CEACAM7: variants seen among roughly 807,000 people sequenced by gnomAD.
CEACAM7 encodes the protein cell adhesion molecule CEACAM7.
Under a neutral mutation model 25.7 loss-of-function variants are expected in CEACAM7, and 24 were observed. The observed-to-expected ratio is 0.93, with a 90% CI of 0.68 to 1.31. The LOEUF is 1.31. Ranked by LOEUF, CEACAM7 falls within the 40% of genes most tolerant of loss-of-function variation. The pLI, the probability that CEACAM7 is intolerant of heterozygous loss-of-function variation, is 0.00. For synonymous variants in CEACAM7, 144 were observed against 129.4 expected (o/e 1.11, Z -0.77); for missense variants, 324 against 330.1 (o/e 0.98, Z 0.14).
chr19:41,686,636 A>T (rs1266314827), intron 2 of CEACAM7, among the ~76,000 whole-genome samples: 1 of 152,110 alleles, frequency 6.6e-6, no homozygotes, highest in Non-Finnish European at 1.5e-5. Context: ...CCCCCATCAG[A>T]CTGTCCTTCC....
In CEACAM7 at chr19:41,686,830, C is replaced by T. The variant is rs201640756; in HGVS notation, c.427+29G>A. 1.2e-4 allele frequency: 182 copies of T among 1,515,234 alleles called. No individual in the cohort carries two copies. The Middle Eastern group carries it at 1.2e-3, about 10-fold the overall frequency. The allele number at this position is 1,515,234 out of a possible 1,614,324, so 93.9% of individuals were successfully genotyped here. A position where few individuals can be genotyped will look rare whatever the true frequency, so the allele number is the denominator to read the frequency against. ...TGTATGAAGTAGAACTGGCCCCCAG[C>T]ACCCAGAAGTCATGGAGGTATCACT... On this transcript the variant is annotated intron_variant, in intron 2 of 4. Coordinates refer to ENST00000401731, the MANE Select transcript of CEACAM7 (RefSeq NM_001291485.2).
At chr19:41,680,458 C>T (rs1029733376) in intron 3 of CEACAM7, among the ~76,000 whole-genome samples, 1 of 151,940 alleles carries the variant, frequency 6.6e-6, no homozygotes, top group African/African-American at 2.4e-5. Context: ...AATAGCCAAA[C>T]AATATGAAAG....
In CEACAM7 at chr19:41,687,217, C is replaced by T. The variant is rs781796375; in HGVS notation, c.69G>A (p.Ser23=). ...IPWQGLLLTA[S]LLTFWNLPNS... The stretch of plus-strand genomic sequence containing the variant: ...TTGGCAGGTTCCAGAAGGTTAAAAG[C>T]GAGGCTAGGAGGGGGAGAGAACATC... Residue 23 remains serine (S), a synonymous_variant, in exon 2 of 5, where the codon TCG becomes TCA. Transcript: ENST00000401731. The T allele has an allele frequency of 1.9e-5, 30 of 1,595,802 alleles. No individual in the cohort carries two copies. Among genetic ancestry groups the T allele is most frequent in the Non-Finnish European group, 2.4e-5 (28 of 1,170,030 alleles).
Position 41,688,041 on chromosome 19 carries a change from G to A in CEACAM7, c.64+61C>T, listed in dbSNP as rs186015064. On this transcript the variant is annotated intron_variant, in intron 1 of 4. Coordinates refer to ENST00000401731, the MANE Select transcript of CEACAM7 (RefSeq NM_001291485.2). The stretch of plus-strand genomic sequence containing the variant: ...CCTCTCAGAGCCCCGTCCTCCCAAG[G>A]AGACCCCAGCCAGTCTCTCTGGCCC... 3.1e-3 allele frequency: 4,596 copies of A among 1,498,604 alleles called. 7 individuals are homozygous for A. The highest frequency in any genetic ancestry group is 3.8e-3 in the Non-Finnish European group (4,173 of 1,098,756). The allele number at this position is 1,498,604 out of a possible 1,614,324, so 92.8% of individuals were successfully genotyped here. A position where few individuals can be genotyped will look rare whatever the true frequency, so the allele number is the denominator to read the frequency against.
At chr19:41,685,999 C>T (rs1181303947) in intron 2 of CEACAM7, among the ~76,000 whole-genome samples, 1 of 152,062 alleles carries the variant, frequency 6.6e-6, no homozygotes, top group Non-Finnish European at 1.5e-5. Flanking sequence ...CGTAAATGGT[C>T]TCTGGCTTGC....
intron 4 of CEACAM7, among the ~76,000 whole-genome samples, chr19:41,675,226 A>G (rs1377028073): frequency 6.6e-6 from 1 of 152,228 alleles, no homozygotes; most frequent in Non-Finnish European, 1.5e-5. Flanking sequence ...CTATTTTCAT[A>G]ACAATGTGAA....
Position 41,683,852 on chromosome 19 carries a change from G to A in CEACAM7, c.639C>T (p.Pro213=), listed in dbSNP as rs781783933. 3 of 1,614,218 alleles carry A rather than the reference G, an allele frequency of 1.9e-6. No homozygotes were observed. Among genetic ancestry groups the A allele is most frequent in the Non-Finnish European group, 1.7e-6 (2 of 1,180,036 alleles). ...LLSATKNDIG[P]YECEIQNPVG... ...CTGGGTTCTGTATTTCACATTCATA[G>A]GGTCCTATGTCATTCTTTGTGGCGC... is the stretch of plus-strand genomic sequence containing the variant. Residue 213 remains proline, a synonymous_variant, in exon 3 of 5, where the codon CCC becomes CCT. Transcript: ENST00000401731.
intron 2 of CEACAM7, among the ~76,000 whole-genome samples, chr19:41,685,460 G>A (rs567010372): frequency 6.6e-6 from 1 of 152,232 alleles, no homozygotes; most frequent in Admixed American, 6.5e-5. Context: ...CAGTCCCTTG[G>A]AGGGACAGGG....
At chr19:41,684,761 A>G (rs58537416) in intron 2 of CEACAM7, among the ~76,000 whole-genome samples, 1,804 of 152,272 alleles carry the variant, frequency 0.012, 39 homozygotes, top group African/African-American at 0.041. Flanking sequence ...AACAATGAAG[A>G]CAAATTAGGA....
rs143851778 is a variant in CEACAM7 at position 41,685,308 on chromosome 19, C to T, written c.428-1245G>A. The stretch of plus-strand genomic sequence containing the variant: ...GTCATGAGACTCAACACCTGGGTGG[C>T]TTCTTTTTTTTTTAAGATCCAGGGA... On this transcript the variant is annotated intron_variant, in intron 2 of 4. Transcript: ENST00000401731. Among the ~76,000 whole-genome samples, 1,354 of 152,110 alleles carry T rather than the reference C, an allele frequency of 8.9e-3. 13 individuals carry two copies. Among genetic ancestry groups the T allele is most frequent in the African/African-American group, 0.03 (1,244 of 41,498 alleles).
chr19:41,679,802 T>TCTC (rs1381258578), intron 3 of CEACAM7, among the ~76,000 whole-genome samples: 7 of 31,480 alleles, frequency 2.2e-4, no homozygotes, highest in Admixed American at 4.4e-4. Flanking sequence ...TCTCTCTCTC[T>TCTC]TTTTTTTTTT....
At position 41,683,945 on chromosome 19, in the gene CEACAM7, G is replaced by T. The variant is rs782708645; in HGVS notation, c.546C>A (p.Asn182Lys). ...TGGGACTGACCAGGAGGCTCTGATT[G>T]TTTACCCACCACAGGTAGGTTGTGT... ...TQNTTYLWWV[N>K]NQSLLVSPRL... is the part of the protein sequence containing the mutation. The change falls in exon 3 of 5, where the codon AAC becomes AAA. Residue 182 changes from asparagine to lysine, a missense_variant. Transcript: ENST00000401731. The T allele has an allele frequency of 1.9e-6, 3 of 1,614,204 alleles. No homozygotes were observed. Among genetic ancestry groups the T allele is most frequent in the South Asian group, 2.2e-5 (2 of 91,086 alleles).
intron 3 of CEACAM7, 68 bp from the exon 4 acceptor site, chr19:41,677,571 A>T (rs1313744587): frequency 4.4e-5 from 50 of 1,135,936 alleles, no homozygotes; most frequent in Non-Finnish European, 5.7e-5. Context: ...CCAGGAACCA[A>T]CTCTCAGCAT....
rs1568685513 is a variant in CEACAM7, at chr19:41,677,515, A to G, written c.707-12T>C. On this transcript the variant is annotated splice_polypyrimidine_tract_variant and intron_variant, in intron 3 of 4. Transcript: ENST00000401731. ...TTGTACTGACTCATCTGCCATGGAA[A>G]GAAAAGAGAAGGAATGAAGTTGATC... is the stretch of plus-strand genomic sequence containing the variant. The G allele has an allele frequency of 1.3e-6, 2 of 1,597,512 alleles. No homozygotes were observed. Among genetic ancestry groups the G allele is most frequent in the Admixed American group, 1.7e-5 (1 of 59,858 alleles).
At chr19:41,683,691 T>C (rs1415605961) in intron 3 of CEACAM7, 94 bp downstream of exon 3, 3 of 1,533,816 alleles carry the variant, frequency 2.0e-6, no homozygotes, top group South Asian at 1.2e-5. Flanking sequence ...TGAGGGTCTG[T>C]GTACTTGGAC....
At chr19:41,675,429 C>A (rs1555810039) in intron 4 of CEACAM7, among the ~76,000 whole-genome samples, 1 of 152,164 alleles carries the variant, frequency 6.6e-6, no homozygotes, top group African/African-American at 2.4e-5. Context: ...TTCATAAAAA[C>A]ATTATCCTCA....
At chr19:41,679,968 ATTTTTTTT>A (rs35163344) in intron 3 of CEACAM7, among the ~76,000 whole-genome samples, 24 of 68,880 alleles carry the variant, frequency 3.5e-4, no homozygotes, top group African/African-American at 1.2e-3. Flanking sequence ...CACCTGGCTA[ATTTTTTTT>A]TTTTTTTTTT....
intron 2 of CEACAM7, among the ~76,000 whole-genome samples, chr19:41,686,189 C>T (rs1044915908): frequency 2.6e-5 from 4 of 152,164 alleles, no homozygotes; most frequent in Non-Finnish European, 5.9e-5. Flanking sequence ...TTTTCTCCCC[C>T]TGAGGACACT....
chr19:41,685,590 G>C (rs369086913), intron 2 of CEACAM7, among the ~76,000 whole-genome samples: 2 of 152,276 alleles, frequency 1.3e-5, no homozygotes, highest in East Asian at 3.9e-4. Flanking sequence ...GAGCGAGTGT[G>C]TTTCTCACTT....
Sources: gnomAD v4.1 joint callset for allele counts (sites outside exome capture counted in the v4.1 genomes callset) on GRCh38, gnomAD v4.1.1 for gene constraint, MANE v1.5 for transcripts, NCBI Gene and HGNC (gene_info 2026-07-23, HGNC 2026-07-21) for gene names.